Variants in CACNA1E observed in about 807,000 individuals in gnomAD.
CACNA1E encodes calcium voltage-gated channel subunit alpha1 E, also known as voltage-dependent R-type calcium channel subunit alpha-1E.
A neutral mutation model predicts 259.2 loss-of-function variants in CACNA1E; 40 were observed. That is an observed-to-expected ratio of 0.15 (90% CI 0.12 to 0.20). The LOEUF is 0.20. Ranked by LOEUF, CACNA1E falls within the 10% of genes least tolerant of loss-of-function variation. The probability of loss-of-function intolerance (pLI) is 1.00; values close to 1 mark genes in which losing one functional copy is unlikely to be tolerated. For missense variants in CACNA1E, 1,874 were observed against 3,040.1 expected, an observed-to-expected ratio of 0.62 and a Z score of 9.02; for synonymous variants, 1,104 against 1,138.5, an observed-to-expected ratio of 0.97 and a Z score of 0.61.
intron 1 of CACNA1E, among the ~76,000 whole-genome samples, chr1:181,356,493 CAAGA>C (rs1653446921): frequency 6.6e-6 from 1 of 152,198 alleles, no homozygotes; most frequent in Non-Finnish European, 1.5e-5. Flanking sequence ...CACAAATATG[CAAGA>C]AAGACTCTTG....
chr1:181,331,076 T>A (rs1651220506), intron 1 of CACNA1E, among the ~76,000 whole-genome samples: 1 of 152,032 alleles, frequency 6.6e-6, no homozygotes, highest in Non-Finnish European at 1.5e-5. Context: ...TCAAGCCCAA[T>A]AAAAGTAGAT....
chr1:181,719,189 C>T (rs1204049470), intron 12 of CACNA1E, among the ~76,000 whole-genome samples: 2 of 152,128 alleles, frequency 1.3e-5, no homozygotes, highest in Admixed American at 6.5e-5. Context: ...ACATAGTGGA[C>T]ATTCAATAAA....
intron 1 of CACNA1E, among the ~76,000 whole-genome samples, chr1:181,338,562 C>A (rs530021786): frequency 3.5e-5 from 5 of 143,892 alleles, no homozygotes. Context: ...AATATTAACT[C>A]TTTGTCAGAT....
At chr1:181,766,820 G>A (rs994727807) in intron 35 of CACNA1E, among the ~76,000 whole-genome samples, 1 of 152,176 alleles carries the variant, frequency 6.6e-6, no homozygotes, top group Non-Finnish European at 1.5e-5. Context: ...AGGGTAGTCT[G>A]GTACAGGGGC....
intron 2 of CACNA1E, among the ~76,000 whole-genome samples, chr1:181,477,373 TCTC>T (rs946131136): frequency 2.6e-5 from 4 of 152,186 alleles, no homozygotes; most frequent in African/African-American, 9.7e-5. Flanking sequence ...TGTTTTCCCT[TCTC>T]CTCTTTTGAA....
In CACNA1E at chr1:181,776,006, A is replaced by C. The variant is rs1659942070; in HGVS notation, c.5140-95A>C. On this transcript the variant is annotated intron_variant, in intron 37 of 47. Coordinates refer to ENST00000367573, the MANE Select transcript of CACNA1E (RefSeq NM_001205293.3). This position sits in a 1 kb window ranked among gnomAD's most constrained non-coding sequence, Gnocchi z 4.4. ...ATACCTCTGTTCTGGCTCGTTTGCT[A>C]AAACACCCTCCTCCATGCCCTGAAG... is the stretch of plus-strand genomic sequence containing the variant. The C allele has an allele frequency of 8.1e-7, 1 of 1,232,526 alleles. No individual in the cohort carries two copies. Among genetic ancestry groups the C allele is most frequent in the Non-Finnish European group, 1.2e-6 (1 of 869,498 alleles). 76.3% of individuals were successfully genotyped at this position (1,232,526 alleles called of 1,614,324 possible).
intron 6 of CACNA1E, among the ~76,000 whole-genome samples, chr1:181,609,566 G>C (rs1046317449): frequency 3.3e-5 from 5 of 152,216 alleles, no homozygotes; most frequent in African/African-American, 1.2e-4. Context: ...ACCGGTTTCA[G>C]TGTGGCAGAA....
Position 181,718,611 on chromosome 1 carries a change from AACACACACACACAC to A in CACNA1E, c.1638+487_1638+500del, listed in dbSNP as rs60522141. On this transcript the variant is annotated intron_variant, in intron 12 of 47. Transcript: ENST00000367573. ...AATTATCTAGATAGACCCTCATTCA[AACACACACACACAC>A]ACACACACACACACACACACACACA... Among the ~76,000 whole-genome samples the A allele has an allele frequency of 7.5e-3, 933 of 124,312 alleles. 4 individuals carry two copies. Among genetic ancestry groups the A allele is most frequent in the Non-Finnish European group, 8.8e-3 (516 of 58,946 alleles). 81.6% of individuals were successfully genotyped at this position (124,312 alleles called of 152,430 possible).
At chr1:181,462,559 C>A (rs1278874801) in intron 2 of CACNA1E, among the ~76,000 whole-genome samples, 1 of 152,210 alleles carries the variant, frequency 6.6e-6, no homozygotes, top group Non-Finnish European at 1.5e-5. Context: ...ATATTTGCTT[C>A]ATCCCTCTCC....
chr1:181,717,088 C>G lies in CACNA1E; in HGVS notation c.1316-5C>G. ...GTCTCATTCTTCCTTACTTCTCCCTCTTAGGCACACCTCTGGCCCGAGCCA... is the reference window on the plus strand; with the variant it reads ...GTCTCATTCTTCCTTACTTCTCCCTGTTAGGCACACCTCTGGCCCGAGCCA... On this transcript the variant is annotated splice_polypyrimidine_tract_variant and splice_region_variant and intron_variant, in intron 10 of 47. Coordinates refer to ENST00000367573, the MANE Select transcript of CACNA1E (RefSeq NM_001205293.3). The G allele has an allele frequency of 6.2e-7, 1 of 1,613,294 alleles. No individual in the cohort carries two copies. The highest frequency in any genetic ancestry group is 8.5e-7 in the Non-Finnish European group (1 of 1,179,198).
chr1:181,433,056 G>A (rs558753196), intron 2 of CACNA1E, among the ~76,000 whole-genome samples: 29 of 152,258 alleles, frequency 1.9e-4, no homozygotes, highest in African/African-American at 6.5e-4. Context: ...AGTGTCAGGC[G>A]CTCAGCAGCT....
Position 181,799,153 on chromosome 1 carries a change from C to T in CACNA1E, c.*319C>T, listed in dbSNP as rs1280395577. On this transcript the variant is annotated 3_prime_UTR_variant, in exon 48 of 48. Coordinates refer to ENST00000367573, the MANE Select transcript of CACNA1E (RefSeq NM_001205293.3). ...CTTCCCCTTGCCCCTTCCCACTTTT[C>T]TAAAAGCTGTGGAGGGATCTAGCTG... 4.3e-6 allele frequency: 1 copy of T among 231,794 alleles called. No homozygotes were observed. The highest frequency in any genetic ancestry group is 8.4e-6 in the Non-Finnish European group (1 of 119,528). 14.4% of individuals were successfully genotyped at this position (231,794 alleles called of 1,614,324 possible).
chr1:181,695,285 T>G (rs905278867), intron 7 of CACNA1E, among the ~76,000 whole-genome samples: 1 of 152,186 alleles, frequency 6.6e-6, no homozygotes, highest in African/African-American at 2.4e-5. Flanking sequence ...TTAATATTAT[T>G]AAGATATCCA....
At chr1:181,553,853 G>A (rs781643538) in intron 3 of CACNA1E, among the ~76,000 whole-genome samples, 2 of 152,136 alleles carry the variant, frequency 1.3e-5, no homozygotes, top group African/African-American at 2.4e-5. Context: ...GGATAAAGCC[G>A]ACTTGATCGT....
At chr1:181,720,155 G>A in intron 13 of CACNA1E, 51 bp from the exon 14 acceptor site, 1 of 1,606,892 alleles carries the variant, frequency 6.2e-7, no homozygotes, top group Middle Eastern at 1.7e-4. Flanking sequence ...GGGCTTGGTG[G>A]GTGACTTGGT....
chr1:181,791,698 A>G (rs1408893344), intron 44 of CACNA1E, among the ~76,000 whole-genome samples: 1 of 152,194 alleles, frequency 6.6e-6, no homozygotes, highest in African/African-American at 2.4e-5. Context: ...ACTGAAGAGA[A>G]AAAAAGACAA....
chr1:181,786,147 G>A (rs1197764385), intron 43 of CACNA1E, among the ~76,000 whole-genome samples: 2 of 152,042 alleles, frequency 1.3e-5, no homozygotes, highest in Non-Finnish European at 2.9e-5. Flanking sequence ...CTTGATTATC[G>A]CTTCCCCGTG....
At chr1:181,529,752 A>T (rs149280284) in intron 3 of CACNA1E, among the ~76,000 whole-genome samples, 12 of 152,026 alleles carry the variant, frequency 7.9e-5, no homozygotes, top group African/African-American at 2.9e-4. Context: ...GTTTTGGCCA[A>T]TTTTTCCCAT....
intron 25 of CACNA1E, among the ~76,000 whole-genome samples, chr1:181,741,478 G>C (rs181793282): frequency 6.6e-6 from 1 of 152,232 alleles, no homozygotes; most frequent in East Asian, 1.9e-4. Flanking sequence ...CCAAATATAG[G>C]AGGAAGTACA....
Sources: gnomAD v4.1 joint callset for allele counts (sites outside exome capture counted in the v4.1 genomes callset) on GRCh38, gnomAD v4.1.1 for gene constraint, Gnocchi (gnomAD v3.1) non-coding constraint, MANE v1.5 for transcripts, NCBI Gene and HGNC (gene_info 2026-07-23, HGNC 2026-07-21) for gene names.